The following CRACD variants were observed in gnomAD, a reference collection of about 807,000 sequenced individuals.
CRACD encodes the protein capping protein inhibiting regulator of actin dynamics.
In CRACD, 56 loss-of-function variants were observed where a neutral mutation model predicts 106.8. That is an observed-to-expected ratio of 0.52 (90% CI 0.42 to 0.66). The LOEUF is 0.66. CRACD is among the 30% of genes least tolerant of loss of function. The pLI, the probability that CRACD is intolerant of heterozygous loss-of-function variation, is 0.00. For missense variants in CRACD, 1,730 were observed against 1,623.2 expected (o/e 1.07, Z -1.13); for synonymous variants, 754 against 670.8 (o/e 1.12, Z -1.92).
At chr4:56,123,060 A>G (rs1734541997) in intron 1 of CRACD, among the ~76,000 whole-genome samples, 1 of 152,238 alleles carries the variant, frequency 6.6e-6, no homozygotes, top group Non-Finnish European at 1.5e-5. Context: ...TAGTTATCGA[A>G]GTAAGATAGT....
chr4:56,161,767 A>AT (rs35832943), intron 1 of CRACD, among the ~76,000 whole-genome samples: 55,779 of 141,150 alleles, frequency 0.4, 10,910 homozygotes, highest in Middle Eastern at 0.45. Context: ...GCCAAAGAGC[A>AT]TTTTTTTTTT....
At chr4:56,056,125 G>A (rs1447651640) in intron 1 of CRACD, among the ~76,000 whole-genome samples, 3 of 152,236 alleles carry the variant, frequency 2.0e-5, no homozygotes, top group East Asian at 1.9e-4. Flanking sequence ...TTTGTTCTGA[G>A]TATTCTTAAT....
intron 1 of CRACD, among the ~76,000 whole-genome samples, chr4:56,102,687 C>A (rs1436010360): frequency 1.3e-5 from 2 of 152,302 alleles, no homozygotes; most frequent in East Asian, 3.9e-4. Context: ...GTTTAAAACC[C>A]TTCTGGGTTT....
intron 1 of CRACD, among the ~76,000 whole-genome samples, chr4:56,114,866 T>C (rs1734229483): frequency 6.6e-6 from 1 of 152,180 alleles, no homozygotes; most frequent in Non-Finnish European, 1.5e-5. Context: ...CTGTGCATTA[T>C]AGTAAAAAAT....
intron 2 of CRACD, among the ~76,000 whole-genome samples, chr4:56,235,533 T>A (rs1739916402): frequency 1.3e-5 from 2 of 152,276 alleles, no homozygotes; most frequent in South Asian, 4.1e-4. Context: ...GACAAACCAT[T>A]TTTCTAAAAC....
chr4:56,236,900 G>T (rs1227158812), intron 2 of CRACD, among the ~76,000 whole-genome samples: 1 of 152,150 alleles, frequency 6.6e-6, no homozygotes, highest in East Asian at 1.9e-4. Flanking sequence ...AGATGGAGAG[G>T]CATGTGTTGT....
At chr4:56,294,355 A>G (rs574067420) in intron 3 of CRACD, among the ~76,000 whole-genome samples, 6 of 152,258 alleles carry the variant, frequency 3.9e-5, no homozygotes, top group Non-Finnish European at 5.9e-5. Context: ...TAGAAAATAG[A>G]AATTTTAGTC....
At chr4:56,220,884 A>G (rs1265020594) in intron 2 of CRACD, among the ~76,000 whole-genome samples, 1 of 152,150 alleles carries the variant, frequency 6.6e-6, no homozygotes, top group African/African-American at 2.4e-5. Context: ...AAAAGGATAT[A>G]TCATTTAGCT....
rs569540510 is a variant in CRACD, at chr4:56,307,545, G to T, written c.131G>T (p.Gly44Val). 1 of 1,614,114 alleles carries T rather than the reference G, an allele frequency of 6.2e-7. No individual in the cohort carries two copies. The highest frequency in any genetic ancestry group is 2.2e-5 in the East Asian group (1 of 44,878). ...GKVKTLQQQLGKNIKFGQRSP... is the reference protein window; with the variant it reads ...GKVKTLQQQLVKNIKFGQRSP... ...TCTGTTTCTCTCCAGCAACAGTTGG[G>T]CAAGAATATCAAGTTTGGGCAGCGG... Residue 44 changes from glycine (G) to valine (V), a missense_variant, in exon 5 of 11, where the codon GGC (glycine) becomes GTC (valine). Physicochemically the swap from Gly to Val is moderately radical, Grantham distance 109 (BLOSUM62 -3). This residue lies in a region of CRACD where 1,620 missense variants were observed against 1,481.6 expected (regional missense o/e 1.09). Transcript: ENST00000682029.
intron 3 of CRACD, among the ~76,000 whole-genome samples, chr4:56,294,220 C>CT (rs1278479789): frequency 8.3e-6 from 1 of 120,740 alleles, no homozygotes; most frequent in Non-Finnish European, 1.8e-5. Flanking sequence ...GAGACCCTGT[C>CT]TTAAAAAAAA....
chr4:56,145,985 A>G (rs1453924530), intron 1 of CRACD, among the ~76,000 whole-genome samples: 1 of 152,100 alleles, frequency 6.6e-6, no homozygotes, highest in Non-Finnish European at 1.5e-5. Context: ...CGAGAGTTAA[A>G]TACATAGTTT....
At chr4:56,324,961 GTATTAAAATGCCACA>G (rs1746333844) in intron 10 of CRACD, among the ~76,000 whole-genome samples, 7 of 152,132 alleles carry the variant, frequency 4.6e-5, no homozygotes, top group Admixed American at 4.6e-4. Flanking sequence ...TTATTTGTAT[GTATTAAAATGCCACA>G]TGTACCCCCA....
chr4:56,262,886 G>C (rs1410028542), intron 2 of CRACD, among the ~76,000 whole-genome samples: 1 of 152,110 alleles, frequency 6.6e-6, no homozygotes, highest in Admixed American at 6.6e-5. Flanking sequence ...ACCCCATGAG[G>C]GTCTGAATAT....
chr4:56,091,945 G>A (rs2109821210), intron 1 of CRACD, among the ~76,000 whole-genome samples: 1 of 152,302 alleles, frequency 6.6e-6, no homozygotes, highest in Middle Eastern at 3.4e-3. Context: ...AACTTTGAGA[G>A]GCTGACACGG....
At chr4:56,222,965 A>G (rs953644309) in intron 2 of CRACD, among the ~76,000 whole-genome samples, 12 of 151,636 alleles carry the variant, frequency 7.9e-5, no homozygotes, top group Non-Finnish European at 1.2e-4. Context: ...ACAGAACAAG[A>G]CTCCGTCTCA....
Position 56,172,629 on chromosome 4 carries a change from A to AT in CRACD, c.-335-6642dup, listed in dbSNP as rs952890770. 3.8e-3 allele frequency among the ~76,000 whole-genome samples: 551 copies of AT among 145,026 alleles called. 3 individuals carry two copies. The highest frequency in any genetic ancestry group is 0.01 in the African/African-American group (409 of 39,756). The stretch of plus-strand genomic sequence containing the variant: ...AGGCATGTGCCACCACGCCCAGCTA[A>AT]TTTTTTTTTTTTTGAGACAGCATCT... On this transcript the variant is annotated intron_variant, in intron 1 of 10. Transcript: ENST00000682029.
rs546814235 is a variant in CRACD, at chr4:56,211,954, G to A, written c.-189+32524G>A. Among the ~76,000 whole-genome samples, 9 of 152,226 alleles carry A rather than the reference G, an allele frequency of 5.9e-5. No individual in the cohort carries two copies. In the South Asian group the frequency reaches 1.7e-3, roughly 28 times the overall value. ...TTTCACTGGGGACCTGCCCCAATCT[G>A]CCTAGGTATTTGAGTGCCTCCTGCC... On this transcript the variant is annotated intron_variant, in intron 2 of 10. Transcript: ENST00000682029.
chr4:56,063,498 C>T (rs1732352679), intron 1 of CRACD, among the ~76,000 whole-genome samples: 1 of 152,170 alleles, frequency 6.6e-6, no homozygotes, highest in Non-Finnish European at 1.5e-5. Flanking sequence ...ACTTTTTCAT[C>T]ATCTCAACTA....
chr4:56,063,220 G>T (rs1329337415), intron 1 of CRACD, among the ~76,000 whole-genome samples: 1 of 151,614 alleles, frequency 6.6e-6, no homozygotes, highest in Admixed American at 6.6e-5. Flanking sequence ...TTGAGACAGG[G>T]CCATGCTCTG....
Sources: allele counts gnomAD v4.1 joint callset (sites outside exome capture counted in the v4.1 genomes callset), GRCh38; gene constraint gnomAD v4.1.1; regional missense constraint gnomAD v4.1.1; transcripts MANE v1.5; gene names NCBI Gene and HGNC (gene_info 2026-07-23, HGNC 2026-07-21).